SOX30: variants seen among roughly 807,000 people sequenced by gnomAD.
The protein encoded by SOX30 is SRY-box transcription factor 30.
In SOX30, 17 loss-of-function variants were observed where a neutral mutation model predicts 58.6. That is an observed-to-expected ratio of 0.29 (90% confidence interval 0.20 to 0.44). The LOEUF is 0.44. Ranked by LOEUF, SOX30 falls within the 20% of genes least tolerant of loss-of-function variation. SOX30 has a pLI of 1.00. For synonymous variants in SOX30, 421 were observed against 400.2 expected (o/e 1.05, Z -0.62); for missense variants, 951 against 965.8 (o/e 0.98, Z 0.20).
chr5:157,648,978 C>T (rs530392061), intron 1 of SOX30, 82 bp from the exon 2 acceptor site: 1 of 1,479,878 alleles, frequency 6.8e-7, no homozygotes, highest in Non-Finnish European at 9.0e-7. Flanking sequence ...GCACCTCCGT[C>T]TATACTTATT....
intron 4 of SOX30, among the ~76,000 whole-genome samples, chr5:157,632,831 G>A (rs1401271589): frequency 6.6e-6 from 1 of 152,174 alleles, no homozygotes; most frequent in Non-Finnish European, 1.5e-5. Context: ...GCTCACGCCT[G>A]TAATCCCAAC....
chr5:157,659,255 T>G (rs1412653093), intron 2 of SOX30, among the ~76,000 whole-genome samples: 1 of 152,222 alleles, frequency 6.6e-6, no homozygotes, highest in East Asian at 1.9e-4. Flanking sequence ...GAACCTTCTC[T>G]TGGGTTCTGG....
At position 157,632,917 on chromosome 5, in the gene SOX30, A is replaced by G. The variant is rs536122591; in HGVS notation, c.1880+5313T>C. On this transcript the variant is annotated intron_variant, in intron 4 of 4. Coordinates refer to ENST00000265007, the MANE Select transcript of SOX30 (RefSeq NM_178424.2). ...CAGCCTGACTAACATGGCAAAACTC[A>G]GTCTCCACTAAAAATACAAAAATTA... 2.6e-4 allele frequency among the ~76,000 whole-genome samples: 39 copies of G among 152,156 alleles called. No individual in the cohort carries two copies. In the East Asian group the frequency reaches 3.9e-3, roughly 15 times the overall value.
chr5:157,634,483 T>C (rs1215223328), intron 4 of SOX30, among the ~76,000 whole-genome samples: 1 of 151,706 alleles, frequency 6.6e-6, no homozygotes, highest in Non-Finnish European at 1.5e-5. Flanking sequence ...TCCCAAAGTG[T>C]GTTGGGATTA....
intron 2 of SOX30, among the ~76,000 whole-genome samples, chr5:157,658,641 T>C (rs892822000): frequency 6.6e-6 from 1 of 152,216 alleles, no homozygotes; most frequent in Non-Finnish European, 1.5e-5. Context: ...TAAGCAAGAA[T>C]ATCATTGCTC....
chr5:157,645,809 T>A (rs963579982), intron 3 of SOX30, among the ~76,000 whole-genome samples: 9 of 151,902 alleles, frequency 5.9e-5, no homozygotes, highest in Admixed American at 1.3e-4. Flanking sequence ...TCATCTGAGG[T>A]CGGGAGTTCC....
chr5:157,652,324 C>G lies in SOX30; in HGVS notation c.-246G>C. Reference sequence around the variant, plus strand: ...CGCCTCGTGCTGAGTCCTCGAATCACCTGCCATGGTAGGAGCCGCCGCACT... The same window carrying G: ...CGCCTCGTGCTGAGTCCTCGAATCAGCTGCCATGGTAGGAGCCGCCGCACT... On this transcript the variant is annotated 5_prime_UTR_variant, in exon 1 of 5. Transcript: ENST00000265007. 1 of 1,211,774 alleles carries G rather than the reference C, an allele frequency of 8.3e-7. No homozygotes were observed. The highest frequency in any genetic ancestry group is 1.0e-6 in the Non-Finnish European group (1 of 975,918). 75.1% of individuals were successfully genotyped at this position (1,211,774 alleles called of 1,614,324 possible).
At chr5:157,642,079 G>A (rs2113841984) in intron 3 of SOX30, among the ~76,000 whole-genome samples, 1 of 152,246 alleles carries the variant, frequency 6.6e-6, no homozygotes, top group African/African-American at 2.4e-5. Context: ...ACTTCGGGAG[G>A]CTGAGACGGG....
chr5:157,665,678 A>T (rs895357416), intron 2 of SOX30, among the ~76,000 whole-genome samples: 1 of 147,680 alleles, frequency 6.8e-6, no homozygotes, highest in African/African-American at 2.5e-5. Context: ...AATAAATATA[A>T]ATAATTATAA....
intron 2 of SOX30, among the ~76,000 whole-genome samples, chr5:157,659,005 A>G (rs1759530360): frequency 6.6e-6 from 1 of 152,174 alleles, no homozygotes; most frequent in South Asian, 2.1e-4. Context: ...CTACACTCCC[A>G]CCAGTGCCAT....
intron 1 of SOX30, among the ~76,000 whole-genome samples, chr5:157,668,043 G>T (rs1759704014): frequency 6.6e-6 from 1 of 152,160 alleles, no homozygotes; most frequent in Non-Finnish European, 1.5e-5. Flanking sequence ...CGATGCACAG[G>T]GCGTGCTCTT....
At chr5:157,639,857 G>A (rs1489562817) in intron 3 of SOX30, among the ~76,000 whole-genome samples, 2 of 152,196 alleles carry the variant, frequency 1.3e-5, no homozygotes, top group African/African-American at 4.8e-5. Context: ...TCATTCAGGT[G>A]ACTTCCCTCT....
chr5:157,670,259 A>T (rs1011592981), intron 1 of SOX30, among the ~76,000 whole-genome samples: 1 of 152,210 alleles, frequency 6.6e-6, no homozygotes, highest in East Asian at 1.9e-4. Flanking sequence ...CAGGCACTGT[A>T]TTAGGTGTTG....
chr5:157,633,104 C>T (rs1439328112), intron 4 of SOX30, among the ~76,000 whole-genome samples: 3 of 152,150 alleles, frequency 2.0e-5, no homozygotes, highest in Non-Finnish European at 4.4e-5. Context: ...AGGGTCTTGG[C>T]TTTATAAAGA....
intron 2 of SOX30, among the ~76,000 whole-genome samples, chr5:157,665,462 C>T (rs924238731): frequency 7.9e-5 from 12 of 151,926 alleles, no homozygotes; most frequent in East Asian, 1.9e-4. Flanking sequence ...ATTGGCAGAG[C>T]GGGGAGGGAT....
In SOX30 at chr5:157,661,018, C is replaced by T. The variant is rs557496821; in HGVS notation, c.52+6780G>A. On this transcript the variant is annotated intron_variant, in intron 2 of 5. Coordinates refer to the SOX30 transcript ENST00000519442. ...ATTTTCAGTGTACTGTCCTGTACTT[C>T]TTTCATTAACTTTATTTCTAAATCC... Among the ~76,000 whole-genome samples, 4 of 152,244 alleles carry T rather than the reference C, an allele frequency of 2.6e-5. No individual in the cohort carries two copies. In the Middle Eastern group the frequency reaches 0.01, roughly 388 times the overall value.
rs777160099 is a variant in SOX30, at chr5:157,651,841, G to C, written c.238C>G (p.Leu80Val). ...LLQVKPEQVLLLPQPQAQNEE... is the reference protein window; with the variant it reads ...LLQVKPEQVLVLPQPQAQNEE... ...TTCTGGGCCTGAGGCTGTGGTAGCA[G>C]CAACACCTGCTCTGGCTTCACCTGC... The change falls in exon 1 of 5, where the codon CTG becomes GTG. Residue 80 changes from leucine (L) to valine (V), a missense_variant. Around this residue, in one of 7 missense-constraint regions of SOX30, gnomAD observed 363 missense variants for 294.5 expected, o/e 1.23. Coordinates refer to ENST00000265007, the MANE Select transcript of SOX30 (RefSeq NM_178424.2). 6 of 1,584,548 alleles carry C rather than the reference G, an allele frequency of 3.8e-6. No individual in the cohort carries two copies. The highest frequency in any genetic ancestry group is 5.1e-6 in the Non-Finnish European group (6 of 1,169,690).
At chr5:157,670,454 T>C (rs547022565) in intron 1 of SOX30, among the ~76,000 whole-genome samples, 1 of 152,308 alleles carries the variant, frequency 6.6e-6, no homozygotes, top group East Asian at 1.9e-4. Flanking sequence ...TTATCAGGGC[T>C]TGGCACAGAG....
At chr5:157,636,979 A>C (rs374278318) in intron 4 of SOX30, among the ~76,000 whole-genome samples, 4 of 151,978 alleles carry the variant, frequency 2.6e-5, no homozygotes, top group African/African-American at 9.7e-5. Flanking sequence ...AACACACAAA[A>C]AAAATTAGCC....
Sources: gnomAD v4.1 joint callset for allele counts (sites outside exome capture counted in the v4.1 genomes callset) on GRCh38, gnomAD v4.1.1 for gene constraint, gnomAD v4.1.1 regional missense constraint, MANE v1.5 for transcripts, NCBI Gene and HGNC (gene_info 2026-07-23, HGNC 2026-07-21) for gene names.